Variants in SLC6A3 observed in about 807,000 individuals in gnomAD.
SLC6A3 encodes sodium-dependent dopamine transporter.
A neutral mutation model predicts 70.4 loss-of-function variants in SLC6A3; 19 were observed. The ratio of observed to expected loss-of-function variants is 0.27; its 90% CI spans 0.19 to 0.40. SLC6A3 has a LOEUF of 0.40. SLC6A3 is among the 10% of genes least tolerant of loss of function. SLC6A3 has a pLI of 1.00. For synonymous variants in SLC6A3, 368 were observed against 356.6 expected, an observed-to-expected ratio of 1.03 and a Z score of -0.36; for missense variants, 613 against 838.5, an observed-to-expected ratio of 0.73 and a Z score of 3.32.
intron 14 of SLC6A3, among the ~76,000 whole-genome samples, chr5:1,399,054 G>T (rs1755785806): frequency 6.6e-6 from 1 of 152,202 alleles, no homozygotes; most frequent in Non-Finnish European, 1.5e-5. Flanking sequence ...TCTAAAAGAT[G>T]TGCAACGTTT....
Position 1,441,471 on chromosome 5 carries a change from G to A in SLC6A3, c.306C>T (p.Tyr102=). The A allele has an allele frequency of 6.2e-7, 1 of 1,614,180 alleles. No individual in the cohort carries two copies. The highest frequency in any genetic ancestry group is 8.5e-7 in the Non-Finnish European group (1 of 1,180,028). The change falls in exon 3 of 15, where the codon TAC becomes TAT. Residue 102 remains tyrosine (Y), a synonymous_variant. Coordinates refer to ENST00000270349, the MANE Select transcript of SLC6A3 (RefSeq NM_001044.5). ...TCCCAGCAATGACCATGAAGAGCAG[G>A]TAGGGGACCAGGAAGGCACCTGTGG... is the stretch of plus-strand genomic sequence containing the variant. ...KNGGGAFLVP[Y]LLFMVIAGMP...
chr5:1,423,168 ACGCTGC>A, intron 4 of SLC6A3, among the ~76,000 whole-genome samples: 4 of 103,938 alleles, frequency 3.8e-5, no homozygotes, highest in Admixed American at 9.9e-5. Context: ...AGTGCTGCCC[ACGCTGC>A]TGGGTACCCA....
intron 6 of SLC6A3, among the ~76,000 whole-genome samples, chr5:1,419,512 G>GT (rs1560916649): frequency 6.6e-6 from 1 of 152,154 alleles, no homozygotes; most frequent in Non-Finnish European, 1.5e-5. Flanking sequence ...TAGGCTCTAC[G>GT]TTGTCCTTGT....
chr5:1,396,592 C>T lies in SLC6A3; in HGVS notation c.1840-1834G>A, dbSNP rs974142474. Among the ~76,000 whole-genome samples the T allele has an allele frequency of 6.6e-6, 1 of 151,480 alleles. No individual in the cohort carries two copies. The highest frequency in any genetic ancestry group is 2.4e-5 in the African/African-American group (1 of 41,410). On this transcript the variant is annotated intron_variant, in intron 14 of 14. Transcript: ENST00000270349. The surrounding 1 kb of genome is among the most constrained non-coding windows in gnomAD (Gnocchi z 7.0). Reference sequence around the variant, plus strand: ...GAGGTGGCCACACAGAGAGAAGACCCGGGACAATGGCCCAGGACCCCTGCT... The same window carrying T: ...GAGGTGGCCACACAGAGAGAAGACCTGGGACAATGGCCCAGGACCCCTGCT...
Position 1,420,560 on chromosome 5 carries a change from T to C in SLC6A3, c.927+9A>G. On this transcript the variant is annotated intron_variant, in intron 6 of 14. Transcript: ENST00000270349. ...GTGGACTGTGAAGCAGTGAGCAGAC[T>C]GTACTCACAGACGCCTCGCAGAGCC... 6.2e-7 allele frequency: 1 copy of C among 1,613,114 alleles called. No homozygotes were observed. Among genetic ancestry groups the C allele is most frequent in the Non-Finnish European group, 8.5e-7 (1 of 1,179,974 alleles).
chr5:1,429,488 G>A (rs1756646440), intron 4 of SLC6A3, among the ~76,000 whole-genome samples: 1 of 152,230 alleles, frequency 6.6e-6, no homozygotes. Context: ...GACTTCGCTA[G>A]TCTGATCGTT....
At chr5:1,414,421 CGG>C (rs1756209734) in intron 8 of SLC6A3, among the ~76,000 whole-genome samples, 14 of 73,062 alleles carry the variant, frequency 1.9e-4, no homozygotes, top group African/African-American at 4.4e-4. Flanking sequence ...AGGGGCAGGG[CGG>C]AGAAGGCACT....
chr5:1,417,750 C>T (rs192205554), intron 6 of SLC6A3, among the ~76,000 whole-genome samples: 1 of 152,304 alleles, frequency 6.6e-6, no homozygotes, highest in Non-Finnish European at 1.5e-5. Flanking sequence ...ATTTGAGGGA[C>T]TGGTCAGTTA....
At position 1,420,609 on chromosome 5, in the gene SLC6A3, G is replaced by T; in HGVS notation, c.887C>A (p.Ala296Glu). Reference sequence around the variant, plus strand: ...CCGGTAGAAGTCAACGCTCAGGTATGCTCTGATGCCGTCTATGGCTCCAGG... The same window carrying T: ...CCGGTAGAAGTCAACGCTCAGGTATTCTCTGATGCCGTCTATGGCTCCAGG... ...TLPGAIDGIR[A>E]YLSVDFYRLC... Residue 296 changes from alanine (A) to glutamate (E), a missense_variant, in exon 6 of 15, where the codon GCA becomes GAA. Physicochemically the swap from Ala to Glu is moderately radical, Grantham distance 107. This residue lies in a region of SLC6A3 where 348 missense variants were observed against 481.2 expected (regional missense o/e 0.72). Coordinates refer to ENST00000270349, the MANE Select transcript of SLC6A3 (RefSeq NM_001044.5). The T allele has an allele frequency of 6.2e-7, 1 of 1,613,644 alleles. No homozygotes were observed. The highest frequency in any genetic ancestry group is 2.2e-5 in the East Asian group (1 of 44,886).
chr5:1,422,833 C>T (rs558366540), intron 4 of SLC6A3, among the ~76,000 whole-genome samples: 3 of 72,754 alleles, frequency 4.1e-5, no homozygotes, highest in African/African-American at 1.3e-4. Context: ...GTGCTGCCCA[C>T]GCTGCTGGGT....
rs748099022 is a variant in SLC6A3, at chr5:1,394,714, G to T, written c.*21C>A. On this transcript the variant is annotated 3_prime_UTR_variant, in exon 15 of 15. Transcript: ENST00000270349. The surrounding 1 kb of genome is among the most constrained non-coding windows in gnomAD (Gnocchi z 4.7). ...TCTCCCATTGCAGGATGACTTCCTG[G>T]GGTCTTCGTCTCTGCTCCCTCTACA... 2.5e-6 allele frequency: 4 copies of T among 1,613,106 alleles called. No individual in the cohort carries two copies. The highest frequency in any genetic ancestry group is 3.4e-6 in the Non-Finnish European group (4 of 1,179,160).
intron 7 of SLC6A3, 108 bp from the exon 8 acceptor site, chr5:1,414,923 T>C: frequency 7.0e-7 from 1 of 1,422,762 alleles, no homozygotes; most frequent in Non-Finnish European, 9.8e-7. Context: ...GCGGGAGGTC[T>C]TCGGAGGGGC....
At chr5:1,410,270 C>T (rs1367433357) in intron 9 of SLC6A3, among the ~76,000 whole-genome samples, 2 of 152,200 alleles carry the variant, frequency 1.3e-5, no homozygotes, top group Admixed American at 6.5e-5. Flanking sequence ...ACGGAGCCTC[C>T]TGACTCCTGG....
chr5:1,406,203 G>A lies in SLC6A3; in HGVS notation c.1584C>T (p.Ser528=), dbSNP rs1755975239. 2 of 1,612,274 alleles carry A rather than the reference G, an allele frequency of 1.2e-6. No homozygotes were observed. Among genetic ancestry groups the A allele is most frequent in the Non-Finnish European group, 1.7e-6 (2 of 1,179,378 alleles). Residue 528 remains serine (S), a synonymous_variant, in exon 12 of 15, where the codon AGC becomes AGT. Coordinates refer to ENST00000270349, the MANE Select transcript of SLC6A3 (RefSeq NM_001044.5). The surrounding 1 kb of genome is among the most constrained non-coding windows in gnomAD (Gnocchi z 8.8). Reference sequence around the variant, plus strand: ...GGTCCCTTACCAGGAGAAAGCAGGGGCTGACCAGCTTCCAGCACAGCCGCC... The same window carrying A: ...GGTCCCTTACCAGGAGAAAGCAGGGACTGACCAGCTTCCAGCACAGCCGCC... ...LYWRLCWKLV[S]PCFLLFVVVV... is the part of the protein sequence containing the mutation.
In SLC6A3 at chr5:1,408,888, C is replaced by T. The variant is rs1756048546; in HGVS notation, c.1498+138G>A. The T allele has an allele frequency of 1.4e-6, 1 of 708,088 alleles. No homozygotes were observed. Among genetic ancestry groups the T allele is most frequent in the East Asian group, 2.7e-5 (1 of 37,280 alleles). 43.9% of individuals were successfully genotyped at this position (708,088 alleles called of 1,614,324 possible). ...AAAGGGACCAGTGCCAAGCCTCTCC[C>T]CTCTGCGGAGCTGTGATGACCACAA... On this transcript the variant is annotated intron_variant, in intron 11 of 14. Coordinates refer to ENST00000270349, the MANE Select transcript of SLC6A3 (RefSeq NM_001044.5). The surrounding 1 kb of genome is among the most constrained non-coding windows in gnomAD (Gnocchi z 6.4).
rs1755754894 is a variant in SLC6A3, at chr5:1,397,739, AG to A, written c.1840-2982del. Among the ~76,000 whole-genome samples the A allele has an allele frequency of 6.6e-6, 1 of 152,238 alleles. No homozygotes were observed. Among genetic ancestry groups the A allele is most frequent in the African/African-American group, 2.4e-5 (1 of 41,466 alleles). On this transcript the variant is annotated intron_variant, in intron 14 of 14. Transcript: ENST00000270349. This position sits in a 1 kb window ranked among gnomAD's most constrained non-coding sequence, Gnocchi z 4.7. ...GGAGGTTAGCAAGAGACCTCCTCAA[AG>A]GAATGTCTGAAGGATGCTTTTTGAA...
chr5:1,414,674 C>T lies in SLC6A3; in HGVS notation c.1156+17G>A. 6.2e-7 allele frequency: 1 copy of T among 1,611,634 alleles called. No individual in the cohort carries two copies. The highest frequency in any genetic ancestry group is 8.5e-7 in the Non-Finnish European group (1 of 1,179,428). Reference sequence around the variant, plus strand: ...GTGCTACACGGAGCAGGCCCAGGTGCAGCAGGAGGGGCTCACCGTCCTTGG... The same window carrying T: ...GTGCTACACGGAGCAGGCCCAGGTGTAGCAGGAGGGGCTCACCGTCCTTGG... On this transcript the variant is annotated intron_variant, in intron 8 of 14. Transcript: ENST00000270349.
intron 2 of SLC6A3, among the ~76,000 whole-genome samples, 158 bp from the exon 3 acceptor site, chr5:1,441,648 C>T (rs925777867): frequency 6.6e-5 from 10 of 152,298 alleles, no homozygotes; most frequent in South Asian, 6.2e-4. Flanking sequence ...AGATGAGTCC[C>T]GAAGCCCGCC....
At chr5:1,440,215 T>C (rs1756941493) in intron 3 of SLC6A3, among the ~76,000 whole-genome samples, 1 of 151,868 alleles carries the variant, frequency 6.6e-6, no homozygotes, top group Admixed American at 6.6e-5. Flanking sequence ...GGATAACAGA[T>C]GGATGAATGG....
Sources: gnomAD v4.1 joint callset for allele counts (sites outside exome capture counted in the v4.1 genomes callset) on GRCh38, gnomAD v4.1.1 for gene constraint, gnomAD v4.1.1 regional missense constraint, Gnocchi (gnomAD v3.1) non-coding constraint, MANE v1.5 for transcripts, NCBI Gene and HGNC (gene_info 2026-07-23, HGNC 2026-07-21) for gene names.